Variants in ST14 observed in about 807,000 individuals in gnomAD.
ST14 encodes the protein suppressor of tumorigenicity 14 protein.
A neutral mutation model predicts 96.5 loss-of-function variants in ST14; 40 were observed. The observed-to-expected ratio is 0.41, with a 90% CI of 0.32 to 0.54. The LOEUF is 0.54. Among genes scored for constraint, ST14 ranks in the 20% least tolerant of loss-of-function variants. The pLI, the probability that ST14 is intolerant of heterozygous loss-of-function variation, is 0.17. For synonymous variants in ST14, 506 were observed against 492.1 expected (o/e 1.03, Z -0.37); for missense variants, 1,066 against 1,188.9 (o/e 0.90, Z 1.52).
intron 1 of ST14, among the ~76,000 whole-genome samples, chr11:130,163,603 G>A (rs71483608): frequency 1.3e-5 from 2 of 152,124 alleles, no homozygotes; most frequent in Admixed American, 1.3e-4. Context: ...GTGCTGGGCA[G>A]GTGTGTGCAG....
chr11:130,166,366 G>A (rs547642465), intron 1 of ST14, among the ~76,000 whole-genome samples: 16 of 152,114 alleles, frequency 1.1e-4, no homozygotes, highest in Non-Finnish European at 2.1e-4. Flanking sequence ...TGGAGCCCTG[G>A]GTGTTGGAGG....
rs1241000978 is a variant in ST14 at position 130,159,850 on chromosome 11, C to T, written c.-130C>T. On this transcript the variant is annotated 5_prime_UTR_variant, in exon 1 of 19. Transcript: ENST00000278742. The stretch of plus-strand genomic sequence containing the variant: ...GAGCGCGCCAGGGCGAGGGCACCGC[C>T]GCCGGTCGGGCGCGCTGGGCCTGCC... 1 of 313,646 alleles carries T rather than the reference C, an allele frequency of 3.2e-6. No homozygotes were observed. Among genetic ancestry groups the T allele is most frequent in the Non-Finnish European group, 5.3e-6 (1 of 187,554 alleles). 19.4% of individuals were successfully genotyped at this position (313,646 alleles called of 1,614,324 possible).
rs1953534279 is a variant in ST14 at position 130,209,900 on chromosome 11, G to A, written c.*77G>A. On this transcript the variant is annotated 3_prime_UTR_variant, in exon 19 of 19. Transcript: ENST00000278742. ...CCAGTGTGCACGCCTGCAGGCTGGA[G>A]ACTGGACCGCTGACTGCACCAGCGC... 3.2e-6 allele frequency: 5 copies of A among 1,563,452 alleles called. No homozygotes were observed. Among genetic ancestry groups the A allele is most frequent in the Middle Eastern group, 2.2e-4 (1 of 4,620 alleles).
In ST14 at chr11:130,208,340, G is replaced by C. The variant is rs991308128; in HGVS notation, c.1995-70G>C. ...CATCCATGCGGAATCCTCTGGGAAC[G>C]CGCGGGGCCGCGAGGCCGTGTGCAC... is the stretch of plus-strand genomic sequence containing the variant. On this transcript the variant is annotated intron_variant, in intron 16 of 18. Coordinates refer to ENST00000278742, the MANE Select transcript of ST14 (RefSeq NM_021978.4). The C allele has an allele frequency of 1.9e-6, 3 of 1,606,858 alleles. No individual in the cohort carries two copies. In the African/African-American group the frequency reaches 4.0e-5, roughly 21 times the overall value.
intron 1 of ST14, among the ~76,000 whole-genome samples, chr11:130,186,298 T>C (rs2136210864): frequency 6.6e-6 from 1 of 152,298 alleles, no homozygotes; most frequent in East Asian, 1.9e-4. Context: ...TTTTAAAAAG[T>C]ATGTGTTCCA....
chr11:130,168,072 T>G (rs1458513510), intron 1 of ST14, among the ~76,000 whole-genome samples: 2 of 152,364 alleles, frequency 1.3e-5, no homozygotes, highest in Non-Finnish European at 2.9e-5. Context: ...TATCTACTTT[T>G]TGAAAAACGA....
chr11:130,209,151 G>T (rs1339731035), intron 17 of ST14, among the ~76,000 whole-genome samples: 4 of 152,088 alleles, frequency 2.6e-5, no homozygotes, highest in Admixed American at 2.6e-4. Flanking sequence ...ACAGAACCCC[G>T]CGGGCATTTG....
intron 1 of ST14, among the ~76,000 whole-genome samples, chr11:130,164,252 G>T (rs577184752): frequency 4.1e-4 from 62 of 152,274 alleles, no homozygotes; most frequent in South Asian, 3.5e-3. Flanking sequence ...ACTAATAATC[G>T]TTAGCATTTA....
chr11:130,194,150 T>C lies in ST14; in HGVS notation c.877T>C (p.Leu293=), dbSNP rs538922436. The change falls in exon 8 of 19, where the codon TTG becomes CTG. Residue 293 remains leucine, a splice_region_variant and synonymous_variant. Coordinates refer to ENST00000278742, the MANE Select transcript of ST14 (RefSeq NM_021978.4). The part of the protein sequence containing the change: ...SPMEPHALVQ[L]CGTYPPSYNL... The stretch of plus-strand genomic sequence containing the variant: ...AATGCCCGCCCTCTGCCCCCACAGG[T>C]TGTGTGGCACCTACCCTCCCTCCTA... The C allele has an allele frequency of 1.9e-6, 3 of 1,614,048 alleles. No homozygotes were observed. The highest frequency in any genetic ancestry group is 1.3e-5 in the African/African-American group (1 of 75,014).
At chr11:130,189,234 G>C (rs1192243655) in intron 4 of ST14, 1 of 539,674 alleles carries the variant, frequency 1.9e-6, no homozygotes, top group African/African-American at 1.9e-5. Flanking sequence ...TTGGGTATGG[G>C]GGAGTTGGGG....
intron 1 of ST14, among the ~76,000 whole-genome samples, chr11:130,184,011 G>A (rs1953216436): frequency 6.6e-6 from 1 of 152,242 alleles, no homozygotes; most frequent in Non-Finnish European, 1.5e-5. Flanking sequence ...GAATCGTGCG[G>A]AGTGAAAGAA....
rs762185835 is a variant in ST14 at position 130,190,137 on chromosome 11, G to C, written c.623G>C (p.Arg208Thr). ...AFPTDSKTVQ[R>T]TQDNSCSFGL... Reference sequence around the variant, plus strand: ...GCCACGGACTCCAAAACAGTACAGAGGACCCAGGACAGTAAGTATCGTGCC... The same window carrying C: ...GCCACGGACTCCAAAACAGTACAGACGACCCAGGACAGTAAGTATCGTGCC... Residue 208 changes from arginine (R) to threonine (T), a missense_variant, in exon 6 of 19, where the codon AGG (arginine) becomes ACG (threonine). Physicochemically the swap from Arg to Thr is moderately conservative, Grantham distance 71 (BLOSUM62 -1). Transcript: ENST00000278742. 2 of 1,614,212 alleles carry C rather than the reference G, an allele frequency of 1.2e-6. No homozygotes were observed. Among genetic ancestry groups the C allele is most frequent in the Admixed American group, 3.3e-5 (2 of 60,032 alleles).
At chr11:130,186,402 T>C (rs1953238446) in intron 1 of ST14, among the ~76,000 whole-genome samples, 1 of 152,068 alleles carries the variant, frequency 6.6e-6, no homozygotes, top group Non-Finnish European at 1.5e-5. Flanking sequence ...CCCAGGGCAA[T>C]GGTGAAGGAA....
intron 7 of ST14, 73 bp downstream of exon 7, chr11:130,190,767 G>A (rs982856904): frequency 1.1e-5 from 17 of 1,484,870 alleles, no homozygotes; most frequent in East Asian, 2.5e-5. Context: ...CTTCTTCAAC[G>A]ATTGGGATAC....
chr11:130,195,447 G>T (rs1203741274), intron 9 of ST14, among the ~76,000 whole-genome samples: 1 of 152,124 alleles, frequency 6.6e-6, no homozygotes, highest in Non-Finnish European at 1.5e-5. Context: ...ATAGTGCCTG[G>T]GTCTCAGAGG....
intron 1 of ST14, among the ~76,000 whole-genome samples, chr11:130,167,949 G>A (rs965211035): frequency 2.0e-5 from 3 of 152,114 alleles, no homozygotes; most frequent in South Asian, 2.1e-4. Context: ...TCCTGGCCTC[G>A]AGTGGTCTAC....
Position 130,198,971 on chromosome 11 carries a change from A to G in ST14, c.1709A>G (p.His570Arg), listed in dbSNP as rs1953399380. 6.2e-7 allele frequency: 1 copy of G among 1,614,032 alleles called. No individual in the cohort carries two copies. The highest frequency in any genetic ancestry group is 1.1e-5 in the South Asian group (1 of 91,054). The change falls in exon 15 of 19, where the codon CAC becomes CGC. Residue 570 changes from histidine to arginine, a missense_variant. Transcript: ENST00000278742. ...PKVNVVTCTK[H>R]TYRCLNGLCL... ...GTGAACGTCGTCACTTGTACCAAACACACCTACCGCTGCCTCAATGGGCTC... is the reference window on the plus strand; with the variant it reads ...GTGAACGTCGTCACTTGTACCAAACGCACCTACCGCTGCCTCAATGGGCTC...
In ST14 at chr11:130,198,636, A is replaced by G; in HGVS notation, c.1684+15A>G. ...CTGCCCCAAGGGTGAGGCCCGCCCC[A>G]CCCATCTTCCTGTTGGGGGCCTCGC... On this transcript the variant is annotated intron_variant, in intron 14 of 18. Transcript: ENST00000278742. The G allele has an allele frequency of 6.2e-7, 1 of 1,607,794 alleles. No homozygotes were observed. The highest frequency in any genetic ancestry group is 8.5e-7 in the Non-Finnish European group (1 of 1,175,366).
intron 1 of ST14, among the ~76,000 whole-genome samples, chr11:130,165,021 G>A (rs971858666): frequency 6.6e-6 from 1 of 152,154 alleles, no homozygotes; most frequent in Non-Finnish European, 1.5e-5. Context: ...ACAGGTGTGA[G>A]CCACCACGCC....
Sources: gnomAD v4.1 joint callset for allele counts (sites outside exome capture counted in the v4.1 genomes callset) on GRCh38, gnomAD v4.1.1 for gene constraint, MANE v1.5 for transcripts, NCBI Gene and HGNC (gene_info 2026-07-23, HGNC 2026-07-21) for gene names.